EDAR: variants seen among roughly 807,000 people sequenced by gnomAD.
The protein encoded by EDAR is tumor necrosis factor receptor superfamily member EDAR.
Under a neutral mutation model 51.3 loss-of-function variants are expected in EDAR, and 38 were observed. That is an observed-to-expected ratio of 0.74 (90% confidence interval 0.57 to 0.97). The LOEUF (loss-of-function observed/expected upper bound fraction) is 0.97, where lower values mean the gene tolerates loss of function less well. Among genes scored for constraint, EDAR ranks in the 50% least tolerant of loss-of-function variants. EDAR has a pLI of 0.00. For synonymous variants in EDAR, 227 were observed against 242.1 expected, an observed-to-expected ratio of 0.94 and a Z score of 0.58; for missense variants, 528 against 595.0, an observed-to-expected ratio of 0.89 and a Z score of 1.17.
At chr2:108,925,254 G>A (rs912118992) in intron 4 of EDAR, among the ~76,000 whole-genome samples, 1 of 152,234 alleles carries the variant, frequency 6.6e-6, no homozygotes, top group Non-Finnish European at 1.5e-5. Flanking sequence ...TTGGCTGAAT[G>A]AATGAATGAC....
At chr2:108,987,057 T>G (rs1574419451) in intron 1 of EDAR, among the ~76,000 whole-genome samples, 1 of 151,478 alleles carries the variant, frequency 6.6e-6, no homozygotes, top group South Asian at 2.1e-4. Context: ...AGGAGGAGGG[T>G]GAGGGGAAAC....
intron 4 of EDAR, among the ~76,000 whole-genome samples, chr2:108,926,637 C>G (rs77843253): frequency 2.6e-5 from 4 of 152,216 alleles, no homozygotes; most frequent in African/African-American, 9.6e-5. Context: ...TCTCTCTCCC[C>G]CTTTCCTCCT....
intron 1 of EDAR, among the ~76,000 whole-genome samples, chr2:108,932,161 T>C (rs1697376607): frequency 6.6e-6 from 1 of 152,222 alleles, no homozygotes; most frequent in African/African-American, 2.4e-5. Flanking sequence ...TCCTTTTCTT[T>C]CTTTCTTTTG....
In EDAR at chr2:108,910,468, G is replaced by A; in HGVS notation, c.795C>T (p.Pro265=). 1 of 1,613,522 alleles carries A rather than the reference G, an allele frequency of 6.2e-7. No homozygotes were observed. The highest frequency in any genetic ancestry group is 8.5e-7 in the Non-Finnish European group (1 of 1,179,648). The change falls in exon 9 of 12, where the codon CCC becomes CCT. Residue 265 remains proline (P), a synonymous_variant. Coordinates refer to ENST00000258443, the MANE Select transcript of EDAR (RefSeq NM_022336.4). The part of the protein sequence containing the change: ...FEKLTATPAK[P]TKSENDASSE... Reference sequence around the variant, plus strand: ...TGGGGGCTTCCACATACCTCTTGGTGGGCTTTGCTGGAGTTGCTGTCAGCT... The same window carrying A: ...TGGGGGCTTCCACATACCTCTTGGTAGGCTTTGCTGGAGTTGCTGTCAGCT...
intron 1 of EDAR, among the ~76,000 whole-genome samples, chr2:108,987,606 C>T (rs1275977082): frequency 6.6e-6 from 1 of 152,210 alleles, no homozygotes; most frequent in Non-Finnish European, 1.5e-5. Flanking sequence ...ACTTTTTCCT[C>T]CCAAAGACTG....
intron 1 of EDAR, among the ~76,000 whole-genome samples, chr2:108,936,523 C>G (rs1367200198): frequency 6.6e-6 from 1 of 152,154 alleles, no homozygotes; most frequent in Non-Finnish European, 1.5e-5. Flanking sequence ...CCCGGCCTCC[C>G]ACGCTCTCCT....
chr2:108,928,613 T>C (rs1379930048), intron 4 of EDAR, among the ~76,000 whole-genome samples: 2 of 152,226 alleles, frequency 1.3e-5, no homozygotes, highest in African/African-American at 2.4e-5. Flanking sequence ...GCAATGATCA[T>C]GGCTCAGGAT....
chr2:108,966,664 A>G (rs1222758230), intron 1 of EDAR, among the ~76,000 whole-genome samples: 19 of 152,234 alleles, frequency 1.2e-4, no homozygotes. Flanking sequence ...GTTTGGCTAT[A>G]GGGGTTCTGA....
intron 1 of EDAR, among the ~76,000 whole-genome samples, chr2:108,963,421 A>G (rs1698091464): frequency 6.6e-6 from 1 of 152,212 alleles, no homozygotes; most frequent in Admixed American, 6.5e-5. Flanking sequence ...GCACAAGGAC[A>G]TTTAAAAAAA....
At chr2:108,954,205 CT>C (rs1338467366) in intron 1 of EDAR, among the ~76,000 whole-genome samples, 1 of 152,090 alleles carries the variant, frequency 6.6e-6, no homozygotes, top group Non-Finnish European at 1.5e-5. Context: ...ATGTTATGTC[CT>C]AGATCATTTT....
At chr2:108,931,697 A>T (rs996865699) in intron 1 of EDAR, among the ~76,000 whole-genome samples, 7 of 151,986 alleles carry the variant, frequency 4.6e-5, no homozygotes, top group African/African-American at 1.5e-4. Context: ...ACACGAATGC[A>T]TTCCCTTGAA....
intron 5 of EDAR, among the ~76,000 whole-genome samples, chr2:108,916,798 C>T (rs902154824): frequency 1.3e-5 from 2 of 152,184 alleles, no homozygotes; most frequent in Non-Finnish European, 2.9e-5. Context: ...AAGCCAGCAC[C>T]CAATCAGCCA....
rs571680993 is a variant in EDAR at position 108,907,794 on chromosome 2, T to G, written c.963+66A>C. The G allele has an allele frequency of 5.0e-6, 8 of 1,591,210 alleles. No individual in the cohort carries two copies. The Admixed American group carries it at 1.3e-4, about 27-fold the overall frequency. ...CAGGAGAGCTGATTCAATAAGAAAG[T>G]TTTAGTCTTGCGGCTGTGAGGGAGC... is the stretch of plus-strand genomic sequence containing the variant. On this transcript the variant is annotated intron_variant, in intron 10 of 11. Coordinates refer to ENST00000258443, the MANE Select transcript of EDAR (RefSeq NM_022336.4).
At chr2:108,950,036 G>T (rs1001583556) in intron 1 of EDAR, among the ~76,000 whole-genome samples, 1 of 152,200 alleles carries the variant, frequency 6.6e-6, no homozygotes, top group Non-Finnish European at 1.5e-5. Context: ...TATTCACTGA[G>T]TGCGGCCTGG....
chr2:108,974,861 C>G (rs780645384), intron 1 of EDAR, among the ~76,000 whole-genome samples: 2 of 152,234 alleles, frequency 1.3e-5, no homozygotes, highest in South Asian at 4.1e-4. Context: ...CCCGAGCTGC[C>G]TCACCAGGCC....
intron 1 of EDAR, among the ~76,000 whole-genome samples, chr2:108,934,050 T>C (rs1272851633): frequency 6.6e-6 from 1 of 152,170 alleles, no homozygotes; most frequent in Non-Finnish European, 1.5e-5. Flanking sequence ...CTTCCCTGAA[T>C]AACTGAGAAG....
chr2:108,941,956 T>C (rs1000748392), intron 1 of EDAR, among the ~76,000 whole-genome samples: 2 of 152,218 alleles, frequency 1.3e-5, no homozygotes, highest in African/African-American at 4.8e-5. Context: ...GGCCTGTCCA[T>C]GCCACGGTTC....
At chr2:108,919,176 TG>T (rs1438906105) in intron 5 of EDAR, among the ~76,000 whole-genome samples, 1 of 152,156 alleles carries the variant, frequency 6.6e-6, no homozygotes. Flanking sequence ...CAGTGCTTGC[TG>T]TTTAGTGTCA....
At chr2:108,935,395 C>T (rs748623951) in intron 1 of EDAR, among the ~76,000 whole-genome samples, 5 of 152,176 alleles carry the variant, frequency 3.3e-5, no homozygotes, top group Non-Finnish European at 5.9e-5. Context: ...ATCTCAGCCC[C>T]GCCCAGACCT....
Sources: allele counts gnomAD v4.1 joint callset (sites outside exome capture counted in the v4.1 genomes callset), GRCh38; gene constraint gnomAD v4.1.1; transcripts MANE v1.5; gene names NCBI Gene and HGNC (gene_info 2026-07-23, HGNC 2026-07-21).